Variants in YAP1 observed in about 807,000 individuals in gnomAD.
YAP1 encodes the protein Yes1 associated transcriptional regulator.
Under a neutral mutation model 56.9 loss-of-function variants are expected in YAP1, and 5 were observed. The ratio of observed to expected loss-of-function variants is 0.09; its 90% CI spans 0.05 to 0.18. The LOEUF is 0.18. Ranked by LOEUF, YAP1 falls within the 10% of genes least tolerant of loss-of-function variation. The probability of loss-of-function intolerance (pLI) is 1.00; values close to 1 mark genes in which losing one functional copy is unlikely to be tolerated. For missense variants in YAP1, 539 were observed against 651.8 expected, an observed-to-expected ratio of 0.83 and a Z score of 1.88; for synonymous variants, 265 against 248.1, an observed-to-expected ratio of 1.07 and a Z score of -0.64.
chr11:102,186,167 T>C (rs757776022), intron 4 of YAP1, 36 bp downstream of exon 4: 1 of 1,599,300 alleles, frequency 6.3e-7, no homozygotes, highest in Non-Finnish European at 8.5e-7. Flanking sequence ...TAGATGCTTT[T>C]GGTTGCTAAT....
intron 6 of YAP1, among the ~76,000 whole-genome samples, chr11:102,213,812 T>A (rs1248597319): frequency 6.6e-6 from 1 of 152,222 alleles, no homozygotes; most frequent in East Asian, 1.9e-4. Flanking sequence ...GCACAGTGGC[T>A]CACGCCTGTA....
At chr11:102,123,021 A>G (rs1255050289) in intron 2 of YAP1, among the ~76,000 whole-genome samples, 1 of 151,232 alleles carries the variant, frequency 6.6e-6, no homozygotes, top group Non-Finnish European at 1.5e-5. Context: ...TTCCGCTGGT[A>G]CTTTTAAAAA....
At chr11:102,136,468 G>A (rs1290294955) in intron 2 of YAP1, among the ~76,000 whole-genome samples, 2 of 151,626 alleles carry the variant, frequency 1.3e-5, no homozygotes, top group African/African-American at 4.9e-5. Flanking sequence ...AGCCTCCTAA[G>A]TAGCTGGGAC....
intron 6 of YAP1, among the ~76,000 whole-genome samples, chr11:102,223,233 T>A (rs570861848): frequency 7.2e-6 from 1 of 138,934 alleles, no homozygotes; most frequent in South Asian, 2.2e-4. Flanking sequence ...GGTGACAGAG[T>A]GAGACTCCGT....
chr11:102,167,937 G>A (rs1946698560), intron 3 of YAP1, among the ~76,000 whole-genome samples: 1 of 152,060 alleles, frequency 6.6e-6, no homozygotes, highest in Non-Finnish European at 1.5e-5. Context: ...TAGCAACTTG[G>A]GTGACTGAGA....
chr11:102,138,204 T>C (rs1428631036), intron 2 of YAP1, among the ~76,000 whole-genome samples: 2 of 152,236 alleles, frequency 1.3e-5, no homozygotes, highest in East Asian at 3.8e-4. Context: ...CTAAGTTCTT[T>C]GGTGCATTGG....
At chr11:102,151,927 C>T (rs1172850821) in intron 2 of YAP1, among the ~76,000 whole-genome samples, 4 of 152,182 alleles carry the variant, frequency 2.6e-5, no homozygotes, top group Non-Finnish European at 4.4e-5. Context: ...TTAAGAGGAG[C>T]ACTCATCCCA....
At chr11:102,203,606 C>T (rs1045233724) in intron 4 of YAP1, among the ~76,000 whole-genome samples, 9 of 152,070 alleles carry the variant, frequency 5.9e-5, no homozygotes, top group African/African-American at 1.9e-4. Context: ...GGGAAGAAAG[C>T]GAGTGATGAG....
intron 2 of YAP1, among the ~76,000 whole-genome samples, chr11:102,150,004 T>G (rs1455221738): frequency 3.8e-5 from 4 of 105,262 alleles, no homozygotes; most frequent in South Asian, 3.7e-4. Context: ...TTTTTTTTTT[T>G]GAGACAGTCT....
intron 2 of YAP1, among the ~76,000 whole-genome samples, chr11:102,126,102 A>G (rs940846353): frequency 6.6e-6 from 1 of 151,952 alleles, no homozygotes; most frequent in Non-Finnish European, 1.5e-5. Flanking sequence ...TGAAATCTGA[A>G]TAATCGATTT....
chr11:102,148,230 C>T (rs1011873301), intron 2 of YAP1, among the ~76,000 whole-genome samples: 1 of 152,146 alleles, frequency 6.6e-6, no homozygotes, highest in East Asian at 1.9e-4. Flanking sequence ...GAGATTGCAG[C>T]TTTGATCTCT....
intron 3 of YAP1, among the ~76,000 whole-genome samples, chr11:102,166,051 G>A (rs1472846299): frequency 6.6e-6 from 1 of 152,148 alleles, no homozygotes; most frequent in East Asian, 1.9e-4. Context: ...TGATGGGGAA[G>A]GGAAGAGACT....
intron 3 of YAP1, among the ~76,000 whole-genome samples, chr11:102,183,942 T>G (rs1425763273): frequency 6.6e-6 from 1 of 150,676 alleles, no homozygotes; most frequent in Non-Finnish European, 1.5e-5. Context: ...CCGGGCGTAG[T>G]GGCGGGCGCC....
At chr11:102,190,096 C>A (rs923227090) in intron 4 of YAP1, among the ~76,000 whole-genome samples, 1 of 152,166 alleles carries the variant, frequency 6.6e-6, no homozygotes, top group African/African-American at 2.4e-5. Context: ...AAGAGAATGT[C>A]AGCATCTAAT....
intron 4 of YAP1, among the ~76,000 whole-genome samples, chr11:102,198,122 A>G (rs1384061288): frequency 6.6e-6 from 1 of 152,364 alleles, no homozygotes; most frequent in African/African-American, 2.4e-5. Context: ...AGTACTCACA[A>G]TAGTCATCAG....
intron 2 of YAP1, among the ~76,000 whole-genome samples, chr11:102,133,489 G>T (rs536124049): frequency 3.0e-4 from 45 of 152,196 alleles, no homozygotes; most frequent in African/African-American, 8.4e-4. Context: ...TAGAGATGGG[G>T]TTTCAACATG....
At chr11:102,196,954 A>G (rs548103510) in intron 4 of YAP1, among the ~76,000 whole-genome samples, 12 of 152,304 alleles carry the variant, frequency 7.9e-5, no homozygotes, top group Admixed American at 3.9e-4. Context: ...ATGTTTAAGT[A>G]GATAAATTAT....
intron 4 of YAP1, among the ~76,000 whole-genome samples, chr11:102,189,040 T>C (rs986185889): frequency 6.6e-6 from 1 of 152,174 alleles, no homozygotes; most frequent in Non-Finnish European, 1.5e-5. Context: ...CTGATGTTTA[T>C]TGAGTTTTAA....
intron 6 of YAP1, among the ~76,000 whole-genome samples, chr11:102,215,038 A>C (rs1409594710): frequency 1.3e-5 from 2 of 152,214 alleles, no homozygotes; most frequent in African/African-American, 4.8e-5. Flanking sequence ...TGCTTTGGTA[A>C]ATGGCATAAA....
Sources: allele counts gnomAD v4.1 joint callset (sites outside exome capture counted in the v4.1 genomes callset), GRCh38; gene constraint gnomAD v4.1.1; transcripts MANE v1.5; gene names NCBI Gene and HGNC (gene_info 2026-07-23, HGNC 2026-07-21).